Variants in RANBP2 observed in about 807,000 individuals in gnomAD.
The protein encoded by RANBP2 is RAN binding protein 2, also known as E3 SUMO-protein ligase RanBP2.
In RANBP2, 57 loss-of-function variants were observed where a neutral mutation model predicts 303.6. That is an observed-to-expected ratio of 0.19 (90% confidence interval 0.15 to 0.23). The LOEUF (loss-of-function observed/expected upper bound fraction) is 0.23, where lower values mean the gene tolerates loss of function less well. Ranked by LOEUF, RANBP2 falls within the 10% of genes least tolerant of loss-of-function variation. The probability of loss-of-function intolerance (pLI) is 1.00; values close to 1 mark genes in which losing one functional copy is unlikely to be tolerated. For missense variants in RANBP2, 3,138 were observed against 3,780.8 expected (o/e 0.83, Z 4.46); for synonymous variants, 1,167 against 1,301.5 (o/e 0.90, Z 2.23).
the RANBP2 span, among the ~76,000 whole-genome samples, chr2:109,370,920 T>C: frequency 6.6e-6 from 1 of 152,268 alleles, no homozygotes; most frequent in Admixed American, 6.5e-5. Context: ...TATTTTTTTG[T>C]TCTTGGATGA....
the RANBP2 span, among the ~76,000 whole-genome samples, chr2:109,259,907 G>A: frequency 6.6e-6 from 1 of 152,156 alleles, no homozygotes; most frequent in Non-Finnish European, 1.5e-5. Context: ...TCATGTGTGT[G>A]CTACACCGTG....
chr2:108,755,557 C>A (rs1410360017), intron 17 of RANBP2, among the ~76,000 whole-genome samples: 2 of 151,930 alleles, frequency 1.3e-5, no homozygotes, highest in Non-Finnish European at 2.9e-5. Flanking sequence ...CCAGGCCCAG[C>A]TAATTGTTGT....
the RANBP2 span, chr2:109,593,113 G>C: frequency 6.3e-7 from 1 of 1,595,664 alleles, no homozygotes; most frequent in Non-Finnish European, 8.5e-7. Context: ...ATGTGAGACT[G>C]AAAGAGCTAA....
At chr2:108,873,487 C>CT in the RANBP2 span, 8 of 1,607,190 alleles carry the variant, frequency 5.0e-6, no homozygotes, top group Non-Finnish European at 5.1e-6. Context: ...TGTAGCAACT[C>CT]TTTATTTTTT....
At chr2:109,486,779 C>T in the RANBP2 span, among the ~76,000 whole-genome samples, 1 of 152,122 alleles carries the variant, frequency 6.6e-6, no homozygotes, top group Non-Finnish European at 1.5e-5. Context: ...TGGGGAGGGC[C>T]TTCCAGAAGA....
chr2:109,397,550 T>C, the RANBP2 span, among the ~76,000 whole-genome samples: 1 of 152,172 alleles, frequency 6.6e-6, no homozygotes, highest in Non-Finnish European at 1.5e-5. Context: ...AGGGGCTCCA[T>C]TGGGCACCCA....
the RANBP2 span, chr2:109,615,452 A>G: frequency 6.2e-7 from 1 of 1,613,212 alleles, no homozygotes; most frequent in Non-Finnish European, 8.5e-7. Context: ...TGGCCATGCT[A>G]GTCAACTTCG....
chr2:109,569,868 T>C, the RANBP2 span, among the ~76,000 whole-genome samples: 2 of 152,140 alleles, frequency 1.3e-5, no homozygotes, highest in East Asian at 1.9e-4. Flanking sequence ...TAACTTTCCA[T>C]GTCAAGCAGT....
At chr2:109,550,776 C>T in the RANBP2 span, among the ~76,000 whole-genome samples, 3 of 152,178 alleles carry the variant, frequency 2.0e-5, no homozygotes, top group Non-Finnish European at 4.4e-5. Flanking sequence ...CCAGGGCTCT[C>T]GGCTGCCCTC....
chr2:108,971,068 G>A, the RANBP2 span, among the ~76,000 whole-genome samples: 5 of 152,096 alleles, frequency 3.3e-5, no homozygotes, highest in Non-Finnish European at 5.9e-5. Flanking sequence ...AGGGTCCGGC[G>A]AGACCGTGCT....
At chr2:109,034,270 CAA>C in the RANBP2 span, among the ~76,000 whole-genome samples, 17 of 38,100 alleles carry the variant, frequency 4.5e-4, 2 homozygotes, top group South Asian at 3.1e-3. Context: ...GACTCCATCT[CAA>C]AAAAAAAAAA....
the RANBP2 span, among the ~76,000 whole-genome samples, chr2:109,470,640 G>A: frequency 6.6e-6 from 1 of 152,224 alleles, no homozygotes; most frequent in Admixed American, 6.5e-5. Flanking sequence ...GGCTCTGACA[G>A]TGCCACGCAT....
At chr2:109,203,701 G>T in the RANBP2 span, among the ~76,000 whole-genome samples, 1 of 152,090 alleles carries the variant, frequency 6.6e-6, no homozygotes, top group Non-Finnish European at 1.5e-5. Flanking sequence ...CCACCCCCTG[G>T]GCCTGGAGCC....
the RANBP2 span, among the ~76,000 whole-genome samples, chr2:108,814,476 A>G: frequency 3.9e-5 from 6 of 152,086 alleles, no homozygotes; most frequent in Admixed American, 2.0e-4. Context: ...GTTAGTTTCT[A>G]TTTGAAAAAA....
At chr2:108,900,990 GA>G in the RANBP2 span, among the ~76,000 whole-genome samples, 2 of 151,734 alleles carry the variant, frequency 1.3e-5, no homozygotes, top group East Asian at 1.9e-4. Context: ...AGAACAATTA[GA>G]AAAAAAATCA....
At chr2:109,068,838 A>C in the RANBP2 span, among the ~76,000 whole-genome samples, 1 of 152,230 alleles carries the variant, frequency 6.6e-6, no homozygotes. Flanking sequence ...ATGATATGTC[A>C]AAATGCTTGT....
the RANBP2 span, among the ~76,000 whole-genome samples, chr2:109,482,392 C>T: frequency 1.3e-5 from 2 of 152,272 alleles, no homozygotes; most frequent in South Asian, 2.1e-4. Context: ...TAATAAATAC[C>T]AGGGACACCC....
the RANBP2 span, among the ~76,000 whole-genome samples, chr2:109,679,470 A>G: frequency 2.0e-5 from 3 of 152,232 alleles, no homozygotes; most frequent in African/African-American, 4.8e-5. Flanking sequence ...AAAGTTGAAC[A>G]TGTACACACA....
the RANBP2 span, among the ~76,000 whole-genome samples, chr2:109,582,714 T>C: frequency 1.3e-5 from 2 of 152,136 alleles, no homozygotes; most frequent in Non-Finnish European, 2.9e-5. Flanking sequence ...AGAGACTGAA[T>C]AGCCAAAGCA....
Sources: gnomAD v4.1 joint callset for allele counts (sites outside exome capture counted in the v4.1 genomes callset) on GRCh38, gnomAD v4.1.1 for gene constraint, MANE v1.5 for transcripts, NCBI Gene and HGNC (gene_info 2026-07-23, HGNC 2026-07-21) for gene names.